ATF7: variants seen among roughly 807,000 people sequenced by gnomAD.
ATF7 encodes cyclic AMP-dependent transcription factor ATF-7.
Under a neutral mutation model 50.4 loss-of-function variants are expected in ATF7, and 10 were observed. The ratio of observed to expected loss-of-function variants is 0.20; its 90% CI spans 0.12 to 0.34. ATF7 has a LOEUF of 0.34. ATF7 is among the 10% of genes least tolerant of loss of function. The pLI is 1.00. For synonymous variants in ATF7, 201 were observed against 226.4 expected (o/e 0.89, Z 1.01); for missense variants, 465 against 613.9 (o/e 0.76, Z 2.56).
intron 2 of ATF7, among the ~76,000 whole-genome samples, chr12:53,565,049 G>C (rs898811891): frequency 9.9e-5 from 15 of 152,084 alleles, no homozygotes; most frequent in African/African-American, 3.1e-4. Context: ...AAGTACCTAA[G>C]TTTTAAGCCC....
chr12:53,541,604 G>A (rs562388710), intron 4 of ATF7, among the ~76,000 whole-genome samples: 27 of 152,036 alleles, frequency 1.8e-4, no homozygotes, highest in Non-Finnish European at 3.2e-4. Flanking sequence ...GAATCATAGC[G>A]CCTCAGGATT....
At chr12:53,534,690 T>C in intron 5 of ATF7, 31 bp from the exon 6 acceptor site, 4 of 1,601,868 alleles carry the variant, frequency 2.5e-6, no homozygotes, top group Non-Finnish European at 3.4e-6. Context: ...GATCACAAAA[T>C]GTTTTAAGGT....
At chr12:53,529,900 C>T (rs1938761333) in intron 9 of ATF7, among the ~76,000 whole-genome samples, 1 of 151,598 alleles carries the variant, frequency 6.6e-6, no homozygotes, top group Non-Finnish European at 1.5e-5. Context: ...GCCACCACGC[C>T]TGGCTAATCT....
intron 11 of ATF7, chr12:53,517,654 CTTAT>C: frequency 2.6e-6 from 1 of 386,782 alleles, no homozygotes; most frequent in Non-Finnish European, 4.8e-6. Context: ...ATTACCAACT[CTTAT>C]TATTATTCAT....
chr12:53,577,735 AGAAAG>A (rs1565971664), intron 2 of ATF7, among the ~76,000 whole-genome samples: 3 of 149,748 alleles, frequency 2.0e-5, no homozygotes, highest in African/African-American at 7.5e-5. Context: ...AAAAAAAGAA[AGAAAG>A]AAAGAAAGAA....
At chr12:53,616,993 G>C (rs147459680) in intron 1 of ATF7, among the ~76,000 whole-genome samples, 5 of 150,880 alleles carry the variant, frequency 3.3e-5, no homozygotes, top group Non-Finnish European at 4.4e-5. Flanking sequence ...CTGAAGTCAA[G>C]GGTTTGTAAT....
At chr12:53,509,134 G>T (rs1944079685), downstream of ATF7, among the ~76,000 whole-genome samples, 1 of 152,134 alleles carries the variant, frequency 6.6e-6, no homozygotes, top group South Asian at 2.1e-4. Context: ...CTCTGCTTGA[G>T]CAAGCTGTCT....
intron 11 of ATF7, among the ~76,000 whole-genome samples, chr12:53,518,481 G>A (rs145215369): frequency 6.6e-6 from 1 of 152,240 alleles, no homozygotes; most frequent in African/African-American, 2.4e-5. Context: ...TTTTTTTAGA[G>A]GGTCTCACTC....
chr12:53,531,990 T>G, intron 8 of ATF7, 94 bp from the exon 9 acceptor site: 1 of 1,408,222 alleles, frequency 7.1e-7, no homozygotes, highest in Non-Finnish European at 9.6e-7. Flanking sequence ...ACCTTATAGA[T>G]AGCTAAAATT....
intron 3 of ATF7, among the ~76,000 whole-genome samples, chr12:53,549,893 T>C (rs1276530125): frequency 6.6e-6 from 1 of 152,132 alleles, no homozygotes; most frequent in South Asian, 2.1e-4. Flanking sequence ...TAATTTTGTA[T>C]TTTTAGTAGA....
intron 1 of ATF7, among the ~76,000 whole-genome samples, chr12:53,624,645 C>T (rs1944535139): frequency 6.6e-6 from 1 of 152,222 alleles, no homozygotes; most frequent in South Asian, 2.1e-4. Context: ...CCTCCACTTA[C>T]CTTACAACTT....
chr12:53,555,667 C>A (rs1205939284), intron 2 of ATF7, among the ~76,000 whole-genome samples: 1 of 151,450 alleles, frequency 6.6e-6, no homozygotes, highest in African/African-American at 2.4e-5. Flanking sequence ...TGCGTCACCA[C>A]GCCCGGCTAA....
intron 1 of ATF7, among the ~76,000 whole-genome samples, chr12:53,606,158 C>CTCACCTGAGCTATTAAGG (rs1943596071): frequency 6.6e-6 from 1 of 151,724 alleles, no homozygotes; most frequent in African/African-American, 2.4e-5. Context: ...CTAATCAAAC[C>CTCACCTGAGCTATTAAGG]TTAAAAACAA....
At chr12:53,543,623 G>A (rs1311358892) in intron 3 of ATF7, among the ~76,000 whole-genome samples, 175 bp from the exon 4 acceptor site, 1 of 152,182 alleles carries the variant, frequency 6.6e-6, no homozygotes, top group Non-Finnish European at 1.5e-5. Flanking sequence ...TAGGCCACCA[G>A]AGGGTGTCTG....
At chr12:53,598,145 G>A (rs1482544188) in intron 2 of ATF7, among the ~76,000 whole-genome samples, 1 of 152,132 alleles carries the variant, frequency 6.6e-6, no homozygotes, top group Non-Finnish European at 1.5e-5. Flanking sequence ...TATCTTATCT[G>A]CCAGATTTTC....
intron 2 of ATF7, among the ~76,000 whole-genome samples, chr12:53,597,911 G>A (rs768120096): frequency 7.9e-5 from 12 of 151,984 alleles, no homozygotes; most frequent in Non-Finnish European, 1.2e-4. Flanking sequence ...ATGGTAGCAG[G>A]TTCTAAACCA....
At position 53,515,724 on chromosome 12, in the gene ATF7, C is replaced by T. The variant is rs1398770862; in HGVS notation, c.*1413G>A. The T allele has an allele frequency of 6.6e-6, 1 of 152,226 alleles. No homozygotes were observed. Among genetic ancestry groups the T allele is most frequent in the African/African-American group, 2.4e-5 (1 of 41,442 alleles). The allele number at this position is 152,226 out of a possible 1,614,324, so 9.4% of individuals were successfully genotyped here. A position where few individuals can be genotyped will look rare whatever the true frequency, so the allele number is the denominator to read the frequency against. On this transcript the variant is annotated 3_prime_UTR_variant, in exon 12 of 12. Transcript: ENST00000420353. ...TTGCTGGGACCAGTTCTGCACTTTC[C>T]CTCTCCTCTTCCTCCCTCCTTTCAA...
rs1565919042 is a variant in ATF7 at position 53,524,405 on chromosome 12, G to C, written c.1125+159C>G. Among the ~76,000 whole-genome samples the C allele has an allele frequency of 6.6e-6, 1 of 152,200 alleles. No individual in the cohort carries two copies. Among genetic ancestry groups the C allele is most frequent in the Non-Finnish European group, 1.5e-5 (1 of 68,032 alleles). ...AGTGTCTTCACCAATACCTATGAAA[G>C]AGATTTCAACTCTGACCGTTAAGAG... On this transcript the variant is annotated intron_variant, in intron 10 of 11. Transcript: ENST00000420353. The surrounding 1 kb of genome is among the most constrained non-coding windows in gnomAD (Gnocchi z 4.6).
At chr12:53,566,204 GCTATAAA>G (rs1941437305) in intron 2 of ATF7, among the ~76,000 whole-genome samples, 2 of 152,252 alleles carry the variant, frequency 1.3e-5, no homozygotes, top group South Asian at 2.1e-4. Context: ...AAGTATATCA[GCTATAAA>G]CTATAAACTA....
Sources: gnomAD v4.1 joint callset for allele counts (sites outside exome capture counted in the v4.1 genomes callset) on GRCh38, gnomAD v4.1.1 for gene constraint, Gnocchi (gnomAD v3.1) non-coding constraint, MANE v1.5 for transcripts, NCBI Gene and HGNC (gene_info 2026-07-23, HGNC 2026-07-21) for gene names.